Variants in NECAB3 observed in about 807,000 individuals in gnomAD.
The protein encoded by NECAB3 is N-terminal EF-hand calcium binding protein 3.
A neutral mutation model predicts 57.2 loss-of-function variants in NECAB3; 38 were observed. The observed-to-expected ratio is 0.66, with a 90% CI of 0.51 to 0.87. NECAB3 has a LOEUF of 0.87. Among genes scored for constraint, NECAB3 ranks in the 40% least tolerant of loss-of-function variants. The probability of loss-of-function intolerance (pLI) is 0.00; values close to 1 mark genes in which losing one functional copy is unlikely to be tolerated. For synonymous variants in NECAB3, 223 were observed against 222.6 expected (o/e 1.00, Z -0.02); for missense variants, 474 against 527.5 (o/e 0.90, Z 0.99).
At chr20:33,670,405 C>T (rs1390889342) in intron 3 of NECAB3, 2 of 382,340 alleles carry the variant, frequency 5.2e-6, no homozygotes, top group Non-Finnish European at 9.4e-6. Flanking sequence ...CAGCTGTCCC[C>T]AGGCATCCTC....
Position 33,657,573 on chromosome 20 carries a change from T to G in NECAB3, c.*256A>C. ...CAGGCAGGGACAGCAGGGACCAGAA[T>G]CCAGGTCTCCTGAGCCAGGCAGAAG... On this transcript the variant is annotated 3_prime_UTR_variant, in exon 12 of 12. Transcript: ENST00000246190. 1 of 441,680 alleles carries G rather than the reference T, an allele frequency of 2.3e-6. No homozygotes were observed. The highest frequency in any genetic ancestry group is 3.9e-6 in the Non-Finnish European group (1 of 255,496). 27.4% of individuals were successfully genotyped at this position (441,680 alleles called of 1,614,324 possible). A position where few individuals can be genotyped will look rare whatever the true frequency, so the allele number is the denominator to read the frequency against.
chr20:33,667,745 G>A (rs780269571), intron 5 of NECAB3: 4 of 1,612,434 alleles, frequency 2.5e-6, no homozygotes, highest in Admixed American at 3.3e-5. Flanking sequence ...CTCAAGAAGC[G>A]CAGCTGCTAC....
At chr20:33,661,462 C>T (rs796525110) in intron 5 of NECAB3, among the ~76,000 whole-genome samples, 5 of 152,330 alleles carry the variant, frequency 3.3e-5, no homozygotes, top group African/African-American at 1.2e-4. Context: ...GGCTTATGAG[C>T]TAGGAGACAG....
intron 5 of NECAB3, chr20:33,667,991 T>C: frequency 6.5e-7 from 1 of 1,547,042 alleles, no homozygotes; most frequent in Non-Finnish European, 8.7e-7. Context: ...ACCGTGGTGC[T>C]AGCCGGCGGC....
intron 5 of NECAB3, among the ~76,000 whole-genome samples, chr20:33,665,854 A>AGGT (rs2017631403): frequency 6.6e-6 from 1 of 152,164 alleles, no homozygotes; most frequent in East Asian, 1.9e-4. Context: ...AGTCCAAGGC[A>AGGT]GGTGGATCAC....
intron 2 of NECAB3, 40 bp from the exon 3 acceptor site, chr20:33,670,832 C>A (rs370980341): frequency 2.0e-6 from 3 of 1,468,638 alleles, no homozygotes; most frequent in Non-Finnish European, 2.8e-6. Flanking sequence ...GAGGAGGTAT[C>A]CCTGACCCTG....
intron 5 of NECAB3, chr20:33,668,506 C>T (rs2017751042): frequency 5.0e-6 from 2 of 399,080 alleles, no homozygotes; most frequent in Admixed American, 4.2e-5. Flanking sequence ...AAAGGTGATG[C>T]CCCACTTGTG....
At chr20:33,674,660 T>C (rs1466197004), upstream of NECAB3, 1 of 156,110 alleles carries the variant, frequency 6.4e-6, no homozygotes, top group Non-Finnish European at 1.4e-5. Flanking sequence ...ACCAAGCCAG[T>C]GCCGAGGTCA....
At chr20:33,658,938 T>G in intron 8 of NECAB3, 104 bp from the exon 9 acceptor site, 1 of 794,016 alleles carries the variant, frequency 1.3e-6, no homozygotes, top group East Asian at 2.7e-5. Context: ...TTGTTTGTTT[T>G]TTAAGACAGG....
At chr20:33,663,398 C>A in intron 5 of NECAB3, 3 of 972,850 alleles carry the variant, frequency 3.1e-6, no homozygotes, top group South Asian at 3.3e-5. Flanking sequence ...GCCCTGTGCA[C>A]GAGAGGATGA....
intron 4 of NECAB3, 99 bp from the exon 5 acceptor site, chr20:33,669,571 T>C: frequency 6.5e-7 from 1 of 1,544,838 alleles, no homozygotes; most frequent in South Asian, 1.2e-5. Flanking sequence ...CAAGCAGGCC[T>C]TATATCCTGA....
Position 33,667,595 on chromosome 20 carries a change from A to G in NECAB3, c.387+1780T>C. 1 of 1,578,784 alleles carries G rather than the reference A, an allele frequency of 6.3e-7. No individual in the cohort carries two copies. On this transcript the variant is annotated intron_variant, in intron 5 of 11. Transcript: ENST00000246190. ...GGCGTGTGCCACGCCACGCCCATCT[A>G]CGCGGGTCACTCGTGGCACCAGGCC... is the stretch of plus-strand genomic sequence containing the variant.
At position 33,669,487 on chromosome 20, in the gene NECAB3, G is replaced by C. The variant is rs373938190; in HGVS notation, c.290-15C>G. On this transcript the variant is annotated splice_polypyrimidine_tract_variant and intron_variant, in intron 4 of 11. Coordinates refer to ENST00000246190, the MANE Select transcript of NECAB3 (RefSeq NM_031232.4). Reference sequence around the variant, plus strand: ...TGAGAAGTAGTCTGCAGGCAGAAGAGGTGCTCAAGGGTTCCTGGACCCCCA... The same window carrying C: ...TGAGAAGTAGTCTGCAGGCAGAAGACGTGCTCAAGGGTTCCTGGACCCCCA... The C allele has an allele frequency of 5.0e-6, 8 of 1,612,978 alleles. No homozygotes were observed. Among genetic ancestry groups the C allele is most frequent in the Admixed American group, 3.3e-5 (2 of 59,988 alleles).
chr20:33,669,452 C>T lies in NECAB3; in HGVS notation c.310G>A (p.Gly104Ser), dbSNP rs201506050. 6.2e-7 allele frequency: 1 copy of T among 1,613,720 alleles called. No homozygotes were observed. Among genetic ancestry groups the T allele is most frequent in the South Asian group, 1.1e-5 (1 of 91,082 alleles). ...KLCDYFSEHLGVYRPVLAALE... is the reference protein window; with the variant it reads ...KLCDYFSEHLSVYRPVLAALE... Reference sequence around the variant, plus strand: ...GCAGCCAGCACCGGCCGGTAGACACCCAGGTGCTCTGAGAAGTAGTCTGCA... The same window carrying T: ...GCAGCCAGCACCGGCCGGTAGACACTCAGGTGCTCTGAGAAGTAGTCTGCA... The change falls in exon 5 of 12, where the codon GGT (glycine) becomes AGT (serine). Residue 104 changes from glycine (G) to serine (S), a missense_variant. Coordinates refer to ENST00000246190, the MANE Select transcript of NECAB3 (RefSeq NM_031232.4).
intron 5 of NECAB3, among the ~76,000 whole-genome samples, chr20:33,661,023 GGCCCAGCATGGGATT>G (rs1365000447): frequency 6.6e-6 from 1 of 152,186 alleles, no homozygotes; most frequent in Non-Finnish European, 1.5e-5. Flanking sequence ...GGCCCTGCAT[GGCCCAGCATGGGATT>G]CTGAGGCTCC....
Position 33,657,813 on chromosome 20 carries a change from C to G in NECAB3, c.*16G>C. On this transcript the variant is annotated 3_prime_UTR_variant, in exon 12 of 12. Coordinates refer to ENST00000246190, the MANE Select transcript of NECAB3 (RefSeq NM_031232.4). ...GCAGGCAGGGTCCCGGGGCCCTCGGCGTGTGCAGGTCTGGCTCAGTTGTTA... is the reference window on the plus strand; with the variant it reads ...GCAGGCAGGGTCCCGGGGCCCTCGGGGTGTGCAGGTCTGGCTCAGTTGTTA... The G allele has an allele frequency of 6.6e-7, 1 of 1,524,998 alleles. No homozygotes were observed. The highest frequency in any genetic ancestry group is 1.3e-5 in the South Asian group (1 of 79,970). 94.5% of individuals were successfully genotyped at this position (1,524,998 alleles called of 1,614,324 possible). A position where few individuals can be genotyped will look rare whatever the true frequency, so the allele number is the denominator to read the frequency against.
Position 33,660,124 on chromosome 20 carries a change from C to T in NECAB3, c.525-121G>A. ...GCCCCAAAGCCAGTCTCATTTCACCCCGCCATGGCTACCCTGCCATGGCTT... is the reference window on the plus strand; with the variant it reads ...GCCCCAAAGCCAGTCTCATTTCACCTCGCCATGGCTACCCTGCCATGGCTT... On this transcript the variant is annotated intron_variant, in intron 6 of 11. Transcript: ENST00000246190. This position sits in a 1 kb window ranked among gnomAD's most constrained non-coding sequence, Gnocchi z 4.1. 1.3e-6 allele frequency: 2 copies of T among 1,525,134 alleles called. No individual in the cohort carries two copies. The highest frequency in any genetic ancestry group is 1.8e-6 in the Non-Finnish European group (2 of 1,138,476). The allele number at this position is 1,525,134 out of a possible 1,614,324, so 94.5% of individuals were successfully genotyped here. A position where few individuals can be genotyped will look rare whatever the true frequency, so the allele number is the denominator to read the frequency against.
Position 33,660,373 on chromosome 20 carries a change from A to T in NECAB3, c.410T>A (p.Val137Glu), listed in dbSNP as rs1379415212. ...CAGGAAGCGCGTCACAAACTGGTCC[A>T]CTTTGGAGGCCCTCTCGTACTCCTG... is the stretch of plus-strand genomic sequence containing the variant. ...TKLEYERASKVDQFVTRFLLR... is the reference protein window; with the variant it reads ...TKLEYERASKEDQFVTRFLLR... The change falls in exon 6 of 12, where the codon GTG becomes GAG. Residue 137 changes from valine (V) to glutamate (E), a missense_variant. Val to Glu is a moderately radical substitution (Grantham distance 121). Coordinates refer to ENST00000246190, the MANE Select transcript of NECAB3 (RefSeq NM_031232.4). This position sits in a 1 kb window ranked among gnomAD's most constrained non-coding sequence, Gnocchi z 4.1. 6.2e-7 allele frequency: 1 copy of T among 1,613,678 alleles called. No homozygotes were observed. Among genetic ancestry groups the T allele is most frequent in the South Asian group, 1.1e-5 (1 of 91,072 alleles).
Position 33,657,599 on chromosome 20 carries a change from C to A in NECAB3, c.*230G>T. ...CCAGGTCTCCTGAGCCAGGCAGAAGCCAAAGTAGCTTGGAGGCTGAAGTGA... is the reference window on the plus strand; with the variant it reads ...CCAGGTCTCCTGAGCCAGGCAGAAGACAAAGTAGCTTGGAGGCTGAAGTGA... On this transcript the variant is annotated 3_prime_UTR_variant, in exon 12 of 12. Transcript: ENST00000246190. 1 of 476,966 alleles carries A rather than the reference C, an allele frequency of 2.1e-6. No homozygotes were observed. Among genetic ancestry groups the A allele is most frequent in the Non-Finnish European group, 3.6e-6 (1 of 281,446 alleles). 29.5% of individuals were successfully genotyped at this position (476,966 alleles called of 1,614,324 possible).
Sources: allele counts gnomAD v4.1 joint callset (sites outside exome capture counted in the v4.1 genomes callset), GRCh38; gene constraint gnomAD v4.1.1; non-coding constraint Gnocchi (gnomAD v3.1); transcripts MANE v1.5; gene names NCBI Gene and HGNC (gene_info 2026-07-23, HGNC 2026-07-21).